Variants in MYLK observed in about 807,000 individuals in gnomAD.
MYLK encodes the protein myosin light chain kinase, smooth muscle.
In MYLK, 106 loss-of-function variants were observed where a neutral mutation model predicts 203.4. That is an observed-to-expected ratio of 0.52 (90% CI 0.45 to 0.61). The LOEUF is 0.61. MYLK is among the 20% of genes least tolerant of loss of function. The pLI, the probability that MYLK is intolerant of heterozygous loss-of-function variation, is 0.00. For synonymous variants in MYLK, 867 were observed against 959.5 expected, an observed-to-expected ratio of 0.90 and a Z score of 1.78; for missense variants, 2,072 against 2,442.3, an observed-to-expected ratio of 0.85 and a Z score of 3.20.
intron 23 of MYLK, among the ~76,000 whole-genome samples, chr3:123,662,820 G>A (rs923698032): frequency 6.6e-6 from 1 of 152,284 alleles, no homozygotes; most frequent in African/African-American, 2.4e-5. Context: ...GGGGTCTAGT[G>A]GGGGCATCTG....
intron 11 of MYLK, among the ~76,000 whole-genome samples, chr3:123,728,777 C>A (rs1422014060): frequency 6.6e-6 from 1 of 152,124 alleles, no homozygotes; most frequent in Non-Finnish European, 1.5e-5. Flanking sequence ...CCTGAAAAAC[C>A]CCATGCGTAA....
chr3:123,652,291 C>A (rs1371199267), intron 24 of MYLK, among the ~76,000 whole-genome samples: 9 of 148,822 alleles, frequency 6.0e-5, no homozygotes, highest in Non-Finnish European at 1.3e-4. Flanking sequence ...TTCCACTGAA[C>A]TTAAAAAAAA....
chr3:123,834,227 G>A (rs1220259303), intron 2 of MYLK, among the ~76,000 whole-genome samples: 4 of 152,190 alleles, frequency 2.6e-5, no homozygotes, highest in African/African-American at 9.6e-5. Context: ...TGTATTTTTA[G>A]TAGAGATGGG....
At chr3:123,641,674 T>C (rs2058836272) in intron 27 of MYLK, among the ~76,000 whole-genome samples, 2 of 150,964 alleles carry the variant, frequency 1.3e-5, no homozygotes, top group African/African-American at 4.9e-5. Context: ...GCCTGGCCTA[T>C]AACCAACCAA....
chr3:123,762,507 C>T (rs57716799), intron 4 of MYLK, among the ~76,000 whole-genome samples: 8,674 of 152,228 alleles, frequency 0.057, 793 homozygotes, highest in African/African-American at 0.19. Flanking sequence ...GCTGGGATTA[C>T]AGGTGTGAGC....
chr3:123,725,139 G>C (rs2062234938), intron 12 of MYLK, among the ~76,000 whole-genome samples: 1 of 152,140 alleles, frequency 6.6e-6, no homozygotes, highest in South Asian at 2.1e-4. Context: ...TAAAGAAGCT[G>C]GTACCCCGAG....
In MYLK at chr3:123,640,408, T is replaced by G; in HGVS notation, c.4716A>C (p.Gly1572=). ...CIKYMRQISE[G]VEYIHKQGIV... is the part of the protein sequence containing the mutation. ...TGCCCTGCTTGTGGATGTACTCCAC[T>G]CCCTCCGAGATCTGCCGCATGTACT... The change falls in exon 28 of 34, where the codon GGA becomes GGC. Residue 1572 remains glycine (G), a synonymous_variant. Coordinates refer to ENST00000360304, the MANE Select transcript of MYLK (RefSeq NM_053025.4). The surrounding 1 kb of genome is among the most constrained non-coding windows in gnomAD (Gnocchi z 4.3). 1 of 1,613,784 alleles carries G rather than the reference T, an allele frequency of 6.2e-7. No individual in the cohort carries two copies. Among genetic ancestry groups the G allele is most frequent in the Non-Finnish European group, 8.5e-7 (1 of 1,179,942 alleles).
At chr3:123,758,293 G>A (rs1299699106) in intron 4 of MYLK, among the ~76,000 whole-genome samples, 1 of 152,144 alleles carries the variant, frequency 6.6e-6, no homozygotes, top group Non-Finnish European at 1.5e-5. Flanking sequence ...AGCCTTAACT[G>A]AACCCACAGA....
intron 2 of MYLK, among the ~76,000 whole-genome samples, chr3:123,844,159 G>C (rs1188927861): frequency 6.6e-6 from 1 of 152,154 alleles, no homozygotes; most frequent in African/African-American, 2.4e-5. Context: ...CTATTAAACA[G>C]AGACAAAGCA....
chr3:123,749,568 C>T (rs774342777), intron 5 of MYLK, among the ~76,000 whole-genome samples: 1 of 152,162 alleles, frequency 6.6e-6, no homozygotes, highest in Non-Finnish European at 1.5e-5. Flanking sequence ...GTTTCTTGGG[C>T]CTGATCACTA....
At chr3:123,790,950 C>A (rs2064756441) in intron 4 of MYLK, among the ~76,000 whole-genome samples, 2 of 152,182 alleles carry the variant, frequency 1.3e-5, no homozygotes, top group Admixed American at 1.3e-4. Flanking sequence ...AGGGACCAGC[C>A]TGGGTCCAAG....
At chr3:123,669,963 A>G (rs1204796252) in intron 20 of MYLK, among the ~76,000 whole-genome samples, 1 of 140,414 alleles carries the variant, frequency 7.1e-6, no homozygotes, top group African/African-American at 2.7e-5. Context: ...TGAACCCAGG[A>G]GGTAGAGGCT....
chr3:123,879,608 G>A (rs567035933), intron 1 of MYLK, among the ~76,000 whole-genome samples: 1 of 152,218 alleles, frequency 6.6e-6, no homozygotes, highest in African/African-American at 2.4e-5. Context: ...TCTTAGCATA[G>A]ACACATTACC....
At chr3:123,764,842 TTCA>T (rs1363307910) in intron 4 of MYLK, among the ~76,000 whole-genome samples, 2 of 152,188 alleles carry the variant, frequency 1.3e-5, no homozygotes, top group Admixed American at 1.3e-4. Flanking sequence ...TTCCAATTGC[TTCA>T]TCATTGCCTA....
At chr3:123,830,805 A>T (rs1042502984) in intron 3 of MYLK, among the ~76,000 whole-genome samples, 6 of 152,194 alleles carry the variant, frequency 3.9e-5, no homozygotes, top group Non-Finnish European at 8.8e-5. Flanking sequence ...CTCACTGCTA[A>T]AGCTGCAGAA....
At chr3:123,708,351 A>G (rs1419175717) in intron 15 of MYLK, among the ~76,000 whole-genome samples, 1 of 152,178 alleles carries the variant, frequency 6.6e-6, no homozygotes, top group Non-Finnish European at 1.5e-5. Context: ...CCTCTTAAAT[A>G]TGTTATCTAA....
intron 4 of MYLK, among the ~76,000 whole-genome samples, chr3:123,760,120 A>G (rs755884576): frequency 6.6e-5 from 10 of 152,238 alleles, no homozygotes; most frequent in Admixed American, 4.6e-4. Flanking sequence ...GAGTTTACGT[A>G]ACTGCAAAGT....
At chr3:123,840,006 A>T (rs562905213) in intron 2 of MYLK, among the ~76,000 whole-genome samples, 40 of 152,278 alleles carry the variant, frequency 2.6e-4, no homozygotes, top group African/African-American at 6.0e-4. Flanking sequence ...TGGAATGGAC[A>T]TAAAAAGGCA....
intron 13 of MYLK, among the ~76,000 whole-genome samples, chr3:123,713,298 T>C (rs2061770567): frequency 6.6e-6 from 1 of 152,168 alleles, no homozygotes; most frequent in African/African-American, 2.4e-5. Flanking sequence ...ACCATTCCAC[T>C]GTACTGGTGT....
Sources: gnomAD v4.1 joint callset for allele counts (sites outside exome capture counted in the v4.1 genomes callset) on GRCh38, gnomAD v4.1.1 for gene constraint, Gnocchi (gnomAD v3.1) non-coding constraint, MANE v1.5 for transcripts, NCBI Gene and HGNC (gene_info 2026-07-23, HGNC 2026-07-21) for gene names.